Variants in KAZN observed in about 807,000 individuals in gnomAD.
The protein encoded by KAZN is kazrin, periplakin interacting protein, also known as kazrin.
Under a neutral mutation model 87.4 loss-of-function variants are expected in KAZN, and 40 were observed. The ratio of observed to expected loss-of-function variants is 0.46; its 90% CI spans 0.36 to 0.60. KAZN has a LOEUF of 0.60. KAZN is among the 20% of genes least tolerant of loss of function. The pLI, the probability that KAZN is intolerant of heterozygous loss-of-function variation, is 0.00. For synonymous variants in KAZN, 466 were observed against 458.3 expected (o/e 1.02, Z -0.22); for missense variants, 898 against 1,073.9 (o/e 0.84, Z 2.29).
rs1667895340 is a variant in KAZN, at chr1:14,996,670, T to A, written c.418+35795T>A. 6.6e-6 allele frequency among the ~76,000 whole-genome samples: 1 copy of A among 152,120 alleles called. No individual in the cohort carries two copies. Among genetic ancestry groups the A allele is most frequent in the African/African-American group, 2.4e-5 (1 of 41,426 alleles). On this transcript the variant is annotated intron_variant, in intron 2 of 14. Transcript: ENST00000376030. This position sits in a 1 kb window ranked among gnomAD's most constrained non-coding sequence, Gnocchi z 5.9. ...ATCTGGGTCTGTGAGAGGCCCTGTG[T>A]CCCCTACATTCTCTACGCACGACCG... is the stretch of plus-strand genomic sequence containing the variant.
At chr1:14,894,271 C>T (rs1284940109) in intron 1 of KAZN, among the ~76,000 whole-genome samples, 5 of 152,198 alleles carry the variant, frequency 3.3e-5, no homozygotes, top group East Asian at 1.9e-4. Context: ...CTCCTGCATC[C>T]TCCATCCCTG....
At chr1:13,998,031 A>C (rs952303001) in intron 1 of KAZN, among the ~76,000 whole-genome samples, 3 of 152,238 alleles carry the variant, frequency 2.0e-5, no homozygotes, top group Non-Finnish European at 4.4e-5. Context: ...CAGACCTTTC[A>C]GGAGAAACTC....
At chr1:14,214,293 C>A (rs997359812) in intron 2 of KAZN, among the ~76,000 whole-genome samples, 25 of 152,060 alleles carry the variant, frequency 1.6e-4, no homozygotes, top group Non-Finnish European at 2.9e-5. Context: ...ATTTGCTTAT[C>A]GGTTTGTTGT....
At chr1:14,243,555 G>T (rs1649178088) in intron 2 of KAZN, among the ~76,000 whole-genome samples, 1 of 152,260 alleles carries the variant, frequency 6.6e-6, no homozygotes, top group East Asian at 1.9e-4. Flanking sequence ...AGGTGAGCAG[G>T]AAACAGTCAA....
chr1:14,658,669 C>G (rs534062913), intron 1 of KAZN, among the ~76,000 whole-genome samples: 108 of 148,414 alleles, frequency 7.3e-4, no homozygotes, highest in African/African-American at 2.5e-3. Context: ...TCTAAGCCAT[C>G]TCTTGAATCA....
At chr1:14,941,079 C>G (rs764798332) in intron 1 of KAZN, among the ~76,000 whole-genome samples, 1 of 151,866 alleles carries the variant, frequency 6.6e-6, no homozygotes, top group Non-Finnish European at 1.5e-5. Context: ...CCACACCCAG[C>G]TAAATTTTTG....
intron 1 of KAZN, among the ~76,000 whole-genome samples, chr1:14,831,836 C>T (rs977236381): frequency 6.6e-6 from 1 of 152,070 alleles, no homozygotes; most frequent in Admixed American, 6.6e-5. Flanking sequence ...CTGAAATCCT[C>T]ACTGTATTAT....
chr1:14,852,940 G>A (rs188514467), intron 1 of KAZN, among the ~76,000 whole-genome samples: 46 of 152,276 alleles, frequency 3.0e-4, no homozygotes, highest in African/African-American at 1.1e-3. Context: ...ATCCTCAGGT[G>A]ATTCCTATGC....
chr1:15,055,021 A>G (rs1674802171), intron 4 of KAZN, among the ~76,000 whole-genome samples: 1 of 152,086 alleles, frequency 6.6e-6, no homozygotes, highest in Admixed American at 6.5e-5. Context: ...CTAGTTCTGC[A>G]GAAGGTGCAC....
chr1:14,767,524 A>C (rs1378905436), intron 1 of KAZN, among the ~76,000 whole-genome samples: 1 of 152,216 alleles, frequency 6.6e-6, no homozygotes, highest in Non-Finnish European at 1.5e-5. Flanking sequence ...TGCTTTCCCC[A>C]TTGGAAGAAC....
intron 2 of KAZN, among the ~76,000 whole-genome samples, chr1:14,319,647 C>T (rs1364678150): frequency 6.6e-6 from 1 of 152,162 alleles, no homozygotes. Flanking sequence ...CCTCCCTTCT[C>T]GACAGCCTGC....
chr1:14,461,327 TG>T (rs1427381874), intron 2 of KAZN, among the ~76,000 whole-genome samples: 2 of 152,088 alleles, frequency 1.3e-5, no homozygotes, highest in African/African-American at 4.8e-5. Flanking sequence ...GATTGAATCA[TG>T]GGGGGCAGTT....
chr1:14,941,889 C>T (rs1013425470), intron 1 of KAZN, among the ~76,000 whole-genome samples: 1 of 152,096 alleles, frequency 6.6e-6, no homozygotes, highest in Non-Finnish European at 1.5e-5. Flanking sequence ...ATAACTAGAA[C>T]CCGGCATTGG....
rs115439978 is a variant in KAZN at position 14,415,568 on chromosome 1, G to A, written c.250-183415G>A. On this transcript the variant is annotated intron_variant, in intron 2 of 16. Transcript: ENST00000636203. Reference sequence around the variant, plus strand: ...AAGTCTGTGCTGCCCCCAGGTGGTAGACCAGACCTGCTAAGGAATGCAGCC... The same window carrying A: ...AAGTCTGTGCTGCCCCCAGGTGGTAAACCAGACCTGCTAAGGAATGCAGCC... Among the ~76,000 whole-genome samples the A allele has an allele frequency of 9.4e-3, 1,437 of 152,260 alleles. 27 individuals carry two copies. Among genetic ancestry groups the A allele is most frequent in the African/African-American group, 0.032 (1,340 of 41,532 alleles).
chr1:14,975,211 C>T lies in KAZN; in HGVS notation c.418+14336C>T, dbSNP rs914027939. ...CTGCAGAGCTCCAATACCCAGGGCT[C>T]CTGGGCTCGCATTCCAGGAACAGGC... On this transcript the variant is annotated intron_variant, in intron 2 of 14. Coordinates refer to ENST00000376030, the MANE Select transcript of KAZN (RefSeq NM_201628.3). 2.0e-4 allele frequency among the ~76,000 whole-genome samples: 31 copies of T among 152,280 alleles called. No individual in the cohort carries two copies. In the Middle Eastern group the frequency reaches 0.014, roughly 67 times the overall value.
intron 2 of KAZN, among the ~76,000 whole-genome samples, chr1:14,412,502 T>C (rs987911491): frequency 3.9e-5 from 6 of 152,080 alleles, no homozygotes; most frequent in Non-Finnish European, 5.9e-5. Flanking sequence ...CTAAAAAAAT[T>C]AGCAAGTAGT....
intron 3 of KAZN, among the ~76,000 whole-genome samples, chr1:15,043,505 G>T (rs893739247): frequency 5.0e-4 from 76 of 152,114 alleles, no homozygotes; most frequent in African/African-American, 1.8e-3. Context: ...AGGGTTTAAT[G>T]AGTGTCTACT....
chr1:14,473,087 G>A (rs952432517), intron 2 of KAZN, among the ~76,000 whole-genome samples: 18 of 152,108 alleles, frequency 1.2e-4, no homozygotes, highest in African/African-American at 2.7e-4. Context: ...ATTATTCTCC[G>A]TGATCAGGGA....
chr1:15,103,248 CAG>C (rs984818153), intron 11 of KAZN, 109 bp from the exon 12 acceptor site: 2 of 756,026 alleles, frequency 2.6e-6, no homozygotes, highest in Non-Finnish European at 2.2e-6. Context: ...GCCTGGGCAG[CAG>C]AGAGAGACTC....
Sources: gnomAD v4.1 joint callset for allele counts (sites outside exome capture counted in the v4.1 genomes callset) on GRCh38, gnomAD v4.1.1 for gene constraint, Gnocchi (gnomAD v3.1) non-coding constraint, MANE v1.5 for transcripts, NCBI Gene and HGNC (gene_info 2026-07-23, HGNC 2026-07-21) for gene names.